The following STAM variants were observed in gnomAD, a reference collection of about 807,000 sequenced individuals.
STAM encodes signal transducing adapter molecule 1.
STAM carries 16 observed loss-of-function variants against 63.4 expected under a neutral mutation model. The observed-to-expected ratio is 0.25, with a 90% CI of 0.17 to 0.38. The LOEUF (loss-of-function observed/expected upper bound fraction) is 0.38. Ranked by LOEUF, STAM falls within the 10% of genes least tolerant of loss-of-function variation. STAM has a pLI of 1.00. For missense variants in STAM, 636 were observed against 657.1 expected, an observed-to-expected ratio of 0.97 and a Z score of 0.35; for synonymous variants, 238 against 223.9, an observed-to-expected ratio of 1.06 and a Z score of -0.56.
Position 17,705,687 on chromosome 10 carries a change from A to G in STAM, c.1155A>G (p.Ala385=). The part of the protein sequence containing the change: ...MNEDPMYSMY[A]KLQNQPYYMQ... ...AAGATCCGATGTATTCCATGTATGC[A>G]AAGTTACAGAATCAGCCATATTATA... Residue 385 remains alanine (A), a synonymous_variant, in exon 12 of 14, where the codon GCA becomes GCG. Transcript: ENST00000377524. 2 of 1,613,984 alleles carry G rather than the reference A, an allele frequency of 1.2e-6. No individual in the cohort carries two copies. The highest frequency in any genetic ancestry group is 2.2e-5 in the East Asian group (1 of 44,870).
rs1836766588 is a variant in STAM at position 17,715,252 on chromosome 10, A to G, written c.*472A>G. 6.0e-6 allele frequency: 1 copy of G among 166,736 alleles called. No homozygotes were observed. Among genetic ancestry groups the G allele is most frequent in the African/African-American group, 2.4e-5 (1 of 41,778 alleles). 10.3% of individuals were successfully genotyped at this position (166,736 alleles called of 1,614,324 possible). A position where few individuals can be genotyped will look rare whatever the true frequency, so the allele number is the denominator to read the frequency against. The stretch of plus-strand genomic sequence containing the variant: ...ACCATGTTTCTTAATGTTTTGTGTA[A>G]ATTTAAGGTAATTATACTATCCTTT... On this transcript the variant is annotated 3_prime_UTR_variant, in exon 14 of 14. Coordinates refer to ENST00000377524, the MANE Select transcript of STAM (RefSeq NM_003473.4).
At position 17,676,112 on chromosome 10, in the gene STAM, A is replaced by G. The variant is rs530660634; in HGVS notation, c.126-8563A>G. Among the ~76,000 whole-genome samples, 61 of 152,332 alleles carry G rather than the reference A, an allele frequency of 4.0e-4. 1 individual carries two copies. In the South Asian group the frequency reaches 0.012, roughly 30 times the overall value. On this transcript the variant is annotated intron_variant, in intron 2 of 13. Coordinates refer to ENST00000377524, the MANE Select transcript of STAM (RefSeq NM_003473.4). ...GAGTTTGTGTTTTGTTTGGGAAATT[A>G]GAAAGGTCTATTGCAAAAGAAAGCA...
In STAM at chr10:17,652,658, T is replaced by TA. The variant is rs1176999936; in HGVS notation, c.41-7796dup. Among the ~76,000 whole-genome samples, 465 of 147,984 alleles carry TA rather than the reference T, an allele frequency of 3.1e-3. 3 individuals are homozygous for TA. Among genetic ancestry groups the TA allele is most frequent in the African/African-American group, 5.5e-3 (222 of 40,432 alleles). On this transcript the variant is annotated intron_variant, in intron 1 of 13. Transcript: ENST00000377524. ...AGTGTGTTCTTTTAAAAAATGCACT[T>TA]AAAAAAAAAACAACCTGCTTGGCTA...
intron 2 of STAM, among the ~76,000 whole-genome samples, chr10:17,680,788 C>T (rs782280415): frequency 5.3e-5 from 8 of 152,182 alleles, no homozygotes; most frequent in Non-Finnish European, 8.8e-5. Flanking sequence ...TTTCACTTAG[C>T]GTAATGGCTT....
At chr10:17,666,429 T>C (rs890311212) in intron 2 of STAM, among the ~76,000 whole-genome samples, 1 of 147,698 alleles carries the variant, frequency 6.8e-6, no homozygotes, top group African/African-American at 2.5e-5. Flanking sequence ...GAGTCTTGCT[T>C]TGTTGCTCAG....
At chr10:17,699,037 C>T (rs1300269072) in intron 8 of STAM, among the ~76,000 whole-genome samples, 2 of 152,098 alleles carry the variant, frequency 1.3e-5, no homozygotes, top group Middle Eastern at 3.4e-3. Context: ...TACAGAAGCA[C>T]ACAACACGGA....
At position 17,704,628 on chromosome 10, in the gene STAM, C is replaced by A. The variant is rs1480104220; in HGVS notation, c.1000+110C>A. 3.2e-6 allele frequency: 3 copies of A among 943,758 alleles called. No homozygotes were observed. In the East Asian group the frequency reaches 7.6e-5, roughly 24 times the overall value. The allele number at this position is 943,758 out of a possible 1,614,324, so 58.5% of individuals were successfully genotyped here. A position where few individuals can be genotyped will look rare whatever the true frequency, so the allele number is the denominator to read the frequency against. ...AATATTAAAAATGGAACATTTCTCA[C>A]TTCTCCTTGACCCAGGCTCACTCTC... On this transcript the variant is annotated intron_variant, in intron 10 of 13. Transcript: ENST00000377524.
At chr10:17,680,625 T>C (rs782490486) in intron 2 of STAM, among the ~76,000 whole-genome samples, 2 of 152,098 alleles carry the variant, frequency 1.3e-5, no homozygotes, top group Non-Finnish European at 2.9e-5. Flanking sequence ...CAGGCTGGTC[T>C]CACACTCCTT....
chr10:17,691,782 G>A (rs1190873298), intron 5 of STAM, among the ~76,000 whole-genome samples: 2 of 152,186 alleles, frequency 1.3e-5, no homozygotes, highest in African/African-American at 4.8e-5. Context: ...TCTAAGTGCT[G>A]TACATGTGGC....
chr10:17,697,352 C>T (rs1358452656), intron 8 of STAM, among the ~76,000 whole-genome samples: 2 of 152,178 alleles, frequency 1.3e-5, no homozygotes, highest in Non-Finnish European at 2.9e-5. Flanking sequence ...GTGACAAGTA[C>T]AGTATAACCT....
intron 13 of STAM, 118 bp downstream of exon 13, chr10:17,709,069 C>CGCCCCAT (rs1308781269): frequency 8.8e-6 from 11 of 1,253,338 alleles, no homozygotes; most frequent in Admixed American, 5.1e-5. Flanking sequence ...GTCATGCGGC[C>CGCCCCAT]GCCCCATTTG....
intron 5 of STAM, among the ~76,000 whole-genome samples, chr10:17,691,950 G>GTAT (rs1835554272): frequency 6.6e-6 from 1 of 152,154 alleles, no homozygotes; most frequent in Non-Finnish European, 1.5e-5. Flanking sequence ...GTTGTCATGT[G>GTAT]TATTACCTCT....
At chr10:17,677,943 A>C (rs1340977879) in intron 2 of STAM, among the ~76,000 whole-genome samples, 2 of 150,674 alleles carry the variant, frequency 1.3e-5, no homozygotes, top group Admixed American at 6.7e-5. Flanking sequence ...TTGGAGTTCA[A>C]ATTGCCCGAT....
chr10:17,676,450 T>C (rs1327439312), intron 2 of STAM, among the ~76,000 whole-genome samples: 4 of 152,230 alleles, frequency 2.6e-5, no homozygotes, highest in Non-Finnish European at 5.9e-5. Context: ...TAGGCAGTTA[T>C]GTACATTCCT....
At chr10:17,654,898 C>G (rs1481389229) in intron 1 of STAM, among the ~76,000 whole-genome samples, 6 of 152,144 alleles carry the variant, frequency 3.9e-5, no homozygotes, top group Non-Finnish European at 7.4e-5. Context: ...TAATGTTGTT[C>G]TCTTATTATT....
intron 13 of STAM, among the ~76,000 whole-genome samples, chr10:17,710,424 T>G (rs1326545955): frequency 6.6e-6 from 1 of 151,846 alleles, no homozygotes; most frequent in Non-Finnish European, 1.5e-5. Flanking sequence ...TAGCTATTAA[T>G]GTCACCTCTC....
In STAM at chr10:17,686,202, A is replaced by C. The variant is rs558987942; in HGVS notation, c.297+1275A>C. On this transcript the variant is annotated intron_variant, in intron 4 of 13. Transcript: ENST00000377524. The stretch of plus-strand genomic sequence containing the variant: ...CCATCGAGATTACAACTGTTTATGA[A>C]GAGATTCTAATACCATGTTTTTTGT... Among the ~76,000 whole-genome samples, 69 of 152,248 alleles carry C rather than the reference A, an allele frequency of 4.5e-4. 1 individual carries two copies. Among genetic ancestry groups the C allele is most frequent in the South Asian group, 3.7e-3 (18 of 4,816 alleles).
intron 5 of STAM, among the ~76,000 whole-genome samples, chr10:17,691,078 G>C (rs1002197005): frequency 2.0e-5 from 3 of 152,116 alleles, no homozygotes; most frequent in Non-Finnish European, 2.9e-5. Flanking sequence ...ACTTATTTCT[G>C]ACCAGGCATA....
At chr10:17,645,205 A>G (rs2131547027) in intron 1 of STAM, among the ~76,000 whole-genome samples, 1 of 152,140 alleles carries the variant, frequency 6.6e-6, no homozygotes, top group East Asian at 1.9e-4. Context: ...TTTTGGTTTA[A>G]TTTGAACGCA....
Sources: allele counts gnomAD v4.1 joint callset (sites outside exome capture counted in the v4.1 genomes callset), GRCh38; gene constraint gnomAD v4.1.1; transcripts MANE v1.5; gene names NCBI Gene and HGNC (gene_info 2026-07-23, HGNC 2026-07-21).